Variants in FAM53A observed in about 807,000 individuals in gnomAD.
The protein encoded by FAM53A is family with sequence similarity 53 member A.
Under a neutral mutation model 26.6 loss-of-function variants are expected in FAM53A, and 28 were observed. The ratio of observed to expected loss-of-function variants is 1.05; its 90% confidence interval spans 0.78 to 1.45. The LOEUF (loss-of-function observed/expected upper bound fraction) is 1.45, where lower values mean the gene tolerates loss of function less well. Among genes scored for constraint, FAM53A ranks in the 40% most tolerant of loss-of-function variants. The pLI is 0.00. For missense variants in FAM53A, 650 were observed against 575.8 expected, an observed-to-expected ratio of 1.13 and a Z score of -1.32; for synonymous variants, 290 against 253.1, an observed-to-expected ratio of 1.15 and a Z score of -1.38.
the FAM53A span, among the ~76,000 whole-genome samples, chr4:1,588,780 T>C: frequency 2.0e-5 from 3 of 152,218 alleles, no homozygotes; most frequent in Non-Finnish European, 4.4e-5. Context: ...TGTTTATTGT[T>C]CTGAGCTGCT....
chr4:1,658,358 T>G lies in FAM53A; in HGVS notation c.76-890A>C, dbSNP rs186038678. Among the ~76,000 whole-genome samples, 649 of 152,316 alleles carry G rather than the reference T, an allele frequency of 4.3e-3. 6 individuals are homozygous for G. Among genetic ancestry groups the G allele is most frequent in the African/African-American group, 0.015 (624 of 41,568 alleles). ...TTCCAAGCCACAGGCATGCATCCTG[T>G]CCCTGCTCCTGAAGCTCAGGCCCTC... On this transcript the variant is annotated intron_variant, in intron 2 of 4. Coordinates refer to ENST00000308132, the MANE Select transcript of FAM53A (RefSeq NM_001174070.3).
chr4:1,598,642 A>G, the FAM53A span, among the ~76,000 whole-genome samples: 1 of 152,162 alleles, frequency 6.6e-6, no homozygotes, highest in Admixed American at 6.5e-5. Flanking sequence ...CTGCATAGTA[A>G]TGTGTCTTTA....
chr4:1,655,998 C>A (rs1439516746), intron 3 of FAM53A, among the ~76,000 whole-genome samples: 1 of 152,120 alleles, frequency 6.6e-6, no homozygotes, highest in African/African-American at 2.4e-5. Context: ...TGAGAACAAC[C>A]GCACGGCTCT....
chr4:1,600,849 T>C, the FAM53A span, among the ~76,000 whole-genome samples: 1 of 151,984 alleles, frequency 6.6e-6, no homozygotes, highest in African/African-American at 2.4e-5. Context: ...CATCTTAGCA[T>C]CTGTACCACT....
Position 1,657,468 on chromosome 4 carries a change from A to C in FAM53A, c.76T>G (p.Leu26Val). The C allele has an allele frequency of 1.2e-6, 2 of 1,613,650 alleles. No individual in the cohort carries two copies. The highest frequency in any genetic ancestry group is 1.7e-6 in the Non-Finnish European group (2 of 1,179,792). Residue 26 changes from leucine (L) to valine (V), a missense_variant and splice_region_variant, in exon 3 of 5, where the codon TTG becomes GTG. Transcript: ENST00000308132. ...TTCAGGGTTTCCGCAGAATACTGCA[A>C]CTGACAGGAAAGAGAAGTTTCAATA... ...DLTCKAEAGP[L>V]QYSAETLNKS...
the FAM53A span, among the ~76,000 whole-genome samples, chr4:1,604,934 CT>C: frequency 5.9e-5 from 9 of 152,158 alleles, no homozygotes; most frequent in African/African-American, 2.2e-4. Context: ...CCCTGCCCCC[CT>C]CCTGCCCCCT....
intron 4 of FAM53A, among the ~76,000 whole-genome samples, chr4:1,654,496 C>T (rs1196116844): frequency 6.6e-6 from 1 of 152,254 alleles, no homozygotes; most frequent in Non-Finnish European, 1.5e-5. Context: ...TCCCAAAGCG[C>T]ACAGGCGCTG....
At chr4:1,670,157 C>T (rs535639699) in intron 1 of FAM53A, among the ~76,000 whole-genome samples, 2 of 152,378 alleles carry the variant, frequency 1.3e-5, no homozygotes, top group Admixed American at 6.5e-5. Context: ...GTTCACTACA[C>T]CTGCCAGTAA....
the FAM53A span, among the ~76,000 whole-genome samples, chr4:1,597,723 C>T: frequency 1.2e-4 from 18 of 152,316 alleles, no homozygotes; most frequent in African/African-American, 3.8e-4. Flanking sequence ...CAGCCGGGCG[C>T]GGTGGCTCAC....
At chr4:1,594,580 C>T in the FAM53A span, among the ~76,000 whole-genome samples, 11 of 152,200 alleles carry the variant, frequency 7.2e-5, no homozygotes, top group Non-Finnish European at 1.6e-4. Context: ...CAGTGGCTTA[C>T]GCCTGTAATC....
downstream of FAM53A, among the ~76,000 whole-genome samples, chr4:1,636,888 G>T (rs1022084177): frequency 2.0e-5 from 3 of 151,910 alleles, no homozygotes; most frequent in African/African-American, 7.2e-5. Flanking sequence ...TCTTGCTGGG[G>T]GGGGGTCCCA....
At chr4:1,637,610 G>T (rs1029965551), downstream of FAM53A, among the ~76,000 whole-genome samples, 2 of 151,618 alleles carry the variant, frequency 1.3e-5, no homozygotes, top group Non-Finnish European at 3.0e-5. Context: ...CCCCAGGAGA[G>T]GGGGAGGGCT....
At position 1,641,593 on chromosome 4, in the gene FAM53A, T is replaced by G; in HGVS notation, c.897A>C (p.Ser299=). 6.2e-7 allele frequency: 1 copy of G among 1,614,132 alleles called. No homozygotes were observed. Among genetic ancestry groups the G allele is most frequent in the Non-Finnish European group, 8.5e-7 (1 of 1,179,982 alleles). Residue 299 remains serine, a synonymous_variant, in exon 5 of 5, where the codon TCA becomes TCC. Coordinates refer to ENST00000308132, the MANE Select transcript of FAM53A (RefSeq NM_001174070.3). ...FLKMTQTLKN[S]KSLCSLNYED... is the part of the protein sequence containing the mutation. ...CGTAATTGAGGGAGCAAAGGCTTTT[T>G]GAATTTTTTAAAGTCTGCAATAGAA...
chr4:1,584,050 T>A, the FAM53A span, among the ~76,000 whole-genome samples: 2 of 152,230 alleles, frequency 1.3e-5, no homozygotes, highest in African/African-American at 4.8e-5. Flanking sequence ...TTCAAGGTGA[T>A]TGATGGCTGT....
intron 4 of FAM53A, 143 bp from the exon 5 acceptor site, chr4:1,641,750 C>A: frequency 1.3e-6 from 1 of 797,846 alleles, no homozygotes; most frequent in Non-Finnish European, 2.1e-6. Context: ...GTCCCCTGTA[C>A]ACCAGCCACA....
At chr4:1,674,631 T>A (rs180718100) in intron 1 of FAM53A, among the ~76,000 whole-genome samples, 3 of 150,832 alleles carry the variant, frequency 2.0e-5, no homozygotes, top group African/African-American at 7.3e-5. Flanking sequence ...ATCATGCCAC[T>A]GCACTCCAGC....
intron 1 of FAM53A, chr4:1,618,189 C>T (rs574131283): frequency 2.4e-5 from 11 of 455,832 alleles, no homozygotes; most frequent in African/African-American, 1.6e-4. Context: ...CGTGCTGCCT[C>T]GCAGAGACAG....
intron 1 of FAM53A, among the ~76,000 whole-genome samples, chr4:1,682,072 A>AG (rs1715477876): frequency 6.6e-6 from 1 of 152,010 alleles, no homozygotes; most frequent in Admixed American, 6.6e-5. Flanking sequence ...ATGAGAAGAA[A>AG]CCACCCACTT....
chr4:1,641,603 A>T lies in FAM53A; in HGVS notation c.887T>A (p.Leu296Ter). Residue 296 changes from leucine to a stop codon, truncating the protein, a stop_gained, in exon 5 of 5, where the codon TTA (leucine) becomes TAA (stop). Coordinates refer to ENST00000308132, the MANE Select transcript of FAM53A (RefSeq NM_001174070.3). LOFTEE classifies it low-confidence loss of function (END_TRUNC). The part of the protein sequence containing the change: ...SLDFLKMTQT[L>*]KNSKSLCSLN... ...GGAGCAAAGGCTTTTTGAATTTTTT[A>T]AAGTCTGCAATAGAAAAGATACGGG... 6 of 1,614,026 alleles carry T rather than the reference A, an allele frequency of 3.7e-6. No homozygotes were observed. Among genetic ancestry groups the T allele is most frequent in the Non-Finnish European group, 4.2e-6 (5 of 1,179,950 alleles).
Sources: allele counts gnomAD v4.1 joint callset (sites outside exome capture counted in the v4.1 genomes callset), GRCh38; gene constraint gnomAD v4.1.1; transcripts MANE v1.5; gene names NCBI Gene and HGNC (gene_info 2026-07-23, HGNC 2026-07-21).